Variants in NUMB observed in about 807,000 individuals in gnomAD.
NUMB encodes protein numb homolog.
In NUMB, 29 loss-of-function variants were observed where a neutral mutation model predicts 59.7. The observed-to-expected ratio is 0.49, with a 90% CI of 0.36 to 0.66. NUMB has a LOEUF of 0.66. NUMB is among the 30% of genes least tolerant of loss of function. NUMB has a pLI of 0.00. For synonymous variants in NUMB, 288 were observed against 288.2 expected, an observed-to-expected ratio of 1.00 and a Z score of 0.01; for missense variants, 723 against 822.0, an observed-to-expected ratio of 0.88 and a Z score of 1.47.
At chr14:73,353,069 C>CTTT (rs1566756859) in intron 4 of NUMB, among the ~76,000 whole-genome samples, 9 of 18,084 alleles carry the variant, frequency 5.0e-4, no homozygotes, top group African/African-American at 9.2e-4. Flanking sequence ...CACAGTTTTT[C>CTTT]TTGTTTTTTT....
At chr14:73,390,847 C>A (rs11849771) in intron 2 of NUMB, among the ~76,000 whole-genome samples, 7,769 of 151,392 alleles carry the variant, frequency 0.051, 653 homozygotes, top group African/African-American at 0.18. Flanking sequence ...CGGGGTTTCA[C>A]CATGTTAGTC....
chr14:73,433,372 A>G (rs1167356948), intron 1 of NUMB, among the ~76,000 whole-genome samples: 2 of 152,156 alleles, frequency 1.3e-5, no homozygotes, highest in East Asian at 3.9e-4. Context: ...CAGTGAGCCA[A>G]GATCACGCCA....
At chr14:73,372,455 A>G (rs1894758986) in intron 2 of NUMB, among the ~76,000 whole-genome samples, 1 of 147,564 alleles carries the variant, frequency 6.8e-6, no homozygotes. Flanking sequence ...AAATATACAT[A>G]TATGTGTATT....
At chr14:73,421,773 A>G (rs1897354754) in intron 1 of NUMB, among the ~76,000 whole-genome samples, 1 of 152,202 alleles carries the variant, frequency 6.6e-6, no homozygotes, top group South Asian at 2.1e-4. Flanking sequence ...TTCCTGGAAA[A>G]TTCGGTGTCT....
At position 73,277,139 on chromosome 14, in the gene NUMB, T is replaced by C; in HGVS notation, c.1395A>G (p.Pro465=). The change falls in exon 13 of 13, where the codon CCA becomes CCG. Residue 465 remains proline (P), a synonymous_variant. Coordinates refer to ENST00000555238, the MANE Select transcript of NUMB (RefSeq NM_001005743.2). ...CAGTGGGTGGAGGAGGCTGGAGAACTGGCTGCAGAGGAGCAGCTGAGGCCT... is the reference window on the plus strand; with the variant it reads ...CAGTGGGTGGAGGAGGCTGGAGAACCGGCTGCAGAGGAGCAGCTGAGGCCT... ...QPQASAAPLQ[P]VLQPPPPTAI... is the part of the protein sequence containing the mutation. The C allele has an allele frequency of 1.2e-6, 2 of 1,613,986 alleles. No individual in the cohort carries two copies. Among genetic ancestry groups the C allele is most frequent in the Non-Finnish European group, 1.7e-6 (2 of 1,179,984 alleles).
intron 8 of NUMB, among the ~76,000 whole-genome samples, chr14:73,291,458 A>G (rs1889398506): frequency 6.6e-6 from 1 of 151,934 alleles, no homozygotes; most frequent in Non-Finnish European, 1.5e-5. Flanking sequence ...GGCTCACTGC[A>G]ACCTCTGCCT....
intron 1 of NUMB, among the ~76,000 whole-genome samples, chr14:73,420,462 T>G (rs2140150214): frequency 6.6e-6 from 1 of 152,230 alleles, no homozygotes; most frequent in East Asian, 1.9e-4. Flanking sequence ...TTCAACTGTC[T>G]GTGTGTGCAT....
At chr14:73,402,783 T>A (rs1275805138) in intron 2 of NUMB, among the ~76,000 whole-genome samples, 1 of 152,264 alleles carries the variant, frequency 6.6e-6, no homozygotes, top group East Asian at 1.9e-4. Flanking sequence ...CAAGTTTCAC[T>A]TTGCGTTATC....
intron 9 of NUMB, 109 bp from the exon 10 acceptor site, chr14:73,284,483 C>A: frequency 1.1e-6 from 1 of 882,654 alleles, no homozygotes; most frequent in Non-Finnish European, 1.8e-6. Context: ...ATTTCCTTCC[C>A]AGTGTCTCTT....
chr14:73,364,557 T>C (rs549761670), intron 3 of NUMB, among the ~76,000 whole-genome samples: 31 of 152,262 alleles, frequency 2.0e-4, no homozygotes, highest in African/African-American at 7.0e-4. Context: ...TACATATATA[T>C]ATAGCAAACC....
intron 4 of NUMB, among the ~76,000 whole-genome samples, chr14:73,324,249 C>T (rs538501801): frequency 4.3e-4 from 66 of 152,316 alleles, no homozygotes; most frequent in African/African-American, 1.5e-3. Flanking sequence ...GCAAGCTTTG[C>T]TCACCGTGCA....
chr14:73,445,373 A>C (rs1224672520), intron 1 of NUMB, among the ~76,000 whole-genome samples: 20 of 141,082 alleles, frequency 1.4e-4, no homozygotes, highest in Admixed American at 9.1e-4. Flanking sequence ...AAAAAAAAAA[A>C]AAAAAAAAAA....
At chr14:73,334,231 C>A (rs140685443) in intron 4 of NUMB, among the ~76,000 whole-genome samples, 7 of 152,194 alleles carry the variant, frequency 4.6e-5, no homozygotes, top group Non-Finnish European at 7.4e-5. Context: ...TTTTAGATCC[C>A]ATTTGTTGCT....
intron 2 of NUMB, among the ~76,000 whole-genome samples, chr14:73,367,898 G>A (rs144713266): frequency 5.9e-5 from 9 of 152,048 alleles, no homozygotes; most frequent in Admixed American, 3.3e-4. Flanking sequence ...AGAGATCACT[G>A]GAATATAAGG....
At chr14:73,435,271 C>CTTTTT (rs11295491) in intron 1 of NUMB, among the ~76,000 whole-genome samples, 2 of 112,834 alleles carry the variant, frequency 1.8e-5, no homozygotes, top group African/African-American at 3.8e-5. Context: ...TTGGCAATTA[C>CTTTTT]TTTTTTTTTT....
At chr14:73,342,700 A>G (rs1233065879) in intron 4 of NUMB, among the ~76,000 whole-genome samples, 2 of 152,206 alleles carry the variant, frequency 1.3e-5, no homozygotes, top group Non-Finnish European at 2.9e-5. Context: ...AGCAGCAGCA[A>G]CTAACGTTTA....
In NUMB at chr14:73,314,931, T is replaced by C. The variant is rs544859717; in HGVS notation, c.234+1459A>G. On this transcript the variant is annotated intron_variant, in intron 6 of 12. Coordinates refer to ENST00000555238, the MANE Select transcript of NUMB (RefSeq NM_001005743.2). ...TAACAAATATAATCCCTACTTATAA[T>C]GCTGTGCTACACAGGAAATAATAAG... 3.3e-5 allele frequency among the ~76,000 whole-genome samples: 5 copies of C among 152,308 alleles called. No individual in the cohort carries two copies. The East Asian group carries it at 9.7e-4, about 29-fold the overall frequency.
intron 2 of NUMB, among the ~76,000 whole-genome samples, chr14:73,367,296 T>TATATATATACACAC (rs1406816784): frequency 3.2e-4 from 39 of 120,964 alleles, no homozygotes; most frequent in African/African-American, 1.4e-3. Context: ...TATATATATA[T>TATATATATACACAC]ACACACACAC....
At chr14:73,411,727 C>A (rs1481867156) in intron 1 of NUMB, among the ~76,000 whole-genome samples, 2 of 151,988 alleles carry the variant, frequency 1.3e-5, no homozygotes, top group Non-Finnish European at 2.9e-5. Context: ...TCTATTTTTA[C>A]AGAAATTAAA....
Sources: gnomAD v4.1 joint callset for allele counts (sites outside exome capture counted in the v4.1 genomes callset) on GRCh38, gnomAD v4.1.1 for gene constraint, MANE v1.5 for transcripts, NCBI Gene and HGNC (gene_info 2026-07-23, HGNC 2026-07-21) for gene names.